UTRN: variants seen among roughly 807,000 people sequenced by gnomAD.
UTRN encodes the protein dystrophin-related protein 1.
UTRN carries 283 observed loss-of-function variants against 463.9 expected under a neutral mutation model. That is an observed-to-expected ratio of 0.61 (90% CI 0.55 to 0.67). The LOEUF (loss-of-function observed/expected upper bound fraction) is 0.67, where lower values mean the gene tolerates loss of function less well. UTRN is among the 30% of genes least tolerant of loss of function. The pLI is 0.00. For synonymous variants in UTRN, 1,442 were observed against 1,431.5 expected, an observed-to-expected ratio of 1.01 and a Z score of -0.17; for missense variants, 3,922 against 4,084.3, an observed-to-expected ratio of 0.96 and a Z score of 1.08.
At chr6:144,709,623 A>G (rs1785461735) in intron 53 of UTRN, among the ~76,000 whole-genome samples, 1 of 152,194 alleles carries the variant, frequency 6.6e-6, no homozygotes, top group Admixed American at 6.5e-5. Context: ...GAATTACTTT[A>G]TTTCAAGCAA....
chr6:144,372,446 A>G (rs79557428), intron 2 of UTRN, among the ~76,000 whole-genome samples: 9,813 of 152,258 alleles, frequency 0.064, 1,055 homozygotes, highest in African/African-American at 0.22. Context: ...CAAATTAGGT[A>G]TCTGCTAAAG....
At chr6:144,545,556 A>G (rs1798324942) in intron 46 of UTRN, among the ~76,000 whole-genome samples, 1 of 152,012 alleles carries the variant, frequency 6.6e-6, no homozygotes, top group South Asian at 2.1e-4. Flanking sequence ...GTCTTCCCCA[A>G]ATGTTCTTCT....
intron 2 of UTRN, among the ~76,000 whole-genome samples, chr6:144,300,057 A>C (rs114462526): frequency 0.012 from 1,832 of 151,436 alleles, 37 homozygotes; most frequent in African/African-American, 0.041. Context: ...TTCCCTATGG[A>C]TCTGTAAAAA....
At chr6:144,576,972 A>T in intron 50 of UTRN, 127 bp from the exon 51 acceptor site, 1 of 753,792 alleles carries the variant, frequency 1.3e-6, no homozygotes, top group Non-Finnish European at 2.1e-6. Flanking sequence ...TCTCCCAGTT[A>T]CCTATGGTGA....
At position 144,318,138 on chromosome 6, in the gene UTRN, C is replaced by T. The variant is rs377303075; in HGVS notation, c.79+26231C>T. Among the ~76,000 whole-genome samples, 50 of 152,088 alleles carry T rather than the reference C, an allele frequency of 3.3e-4. No homozygotes were observed. In the East Asian group the frequency reaches 4.4e-3, roughly 14 times the overall value. ...AGAGCCTGTACAATAATACTGTTAA[C>T]GATGAAGTGCTGTGGACTTCTCTGT... On this transcript the variant is annotated intron_variant, in intron 2 of 74. Transcript: ENST00000367545.
intron 1 of UTRN, among the ~76,000 whole-genome samples, chr6:144,289,734 C>T (rs994423661): frequency 2.0e-5 from 3 of 152,068 alleles, no homozygotes; most frequent in Admixed American, 6.6e-5. Context: ...CTGTAACCAC[C>T]GCCTCCTGGA....
In UTRN at chr6:144,337,158, CACACAG is replaced by C. The variant is rs796561524; in HGVS notation, c.79+45257_79+45262del. Among the ~76,000 whole-genome samples, 1,074 of 149,654 alleles carry C rather than the reference CACACAG, an allele frequency of 7.2e-3. 10 individuals are homozygous for C. The highest frequency in any genetic ancestry group is 0.024 in the African/African-American group (987 of 40,574). The stretch of plus-strand genomic sequence containing the variant: ...ACAGACTCACACACAGAGACACACA[CACACAG>C]ACACACACACACAGACACACACACA... On this transcript the variant is annotated intron_variant, in intron 2 of 74. Transcript: ENST00000367545.
intron 57 of UTRN, among the ~76,000 whole-genome samples, chr6:144,755,177 T>G (rs1174724137): frequency 2.6e-5 from 4 of 152,190 alleles, no homozygotes; most frequent in African/African-American, 4.8e-5. Context: ...TGTGCTTATT[T>G]AAAACACACC....
chr6:144,626,225 G>A (rs1474464854), intron 51 of UTRN, among the ~76,000 whole-genome samples: 1 of 152,136 alleles, frequency 6.6e-6, no homozygotes, highest in Non-Finnish European at 1.5e-5. Context: ...TGTTTACCAT[G>A]GTACTGCAAA....
At chr6:144,608,668 G>A (rs527465389) in intron 51 of UTRN, among the ~76,000 whole-genome samples, 21 of 152,068 alleles carry the variant, frequency 1.4e-4, no homozygotes, top group Non-Finnish European at 7.4e-5. Flanking sequence ...CCATTTCCTC[G>A]CCATTTTGGG....
chr6:144,619,940 C>G (rs1161473066), intron 51 of UTRN, among the ~76,000 whole-genome samples: 1 of 152,192 alleles, frequency 6.6e-6, no homozygotes, highest in Non-Finnish European at 1.5e-5. Flanking sequence ...TAGGAAAGGT[C>G]TTTAAACCTG....
intron 51 of UTRN, among the ~76,000 whole-genome samples, chr6:144,649,385 A>C (rs568632405): frequency 1.3e-5 from 2 of 152,338 alleles, no homozygotes; most frequent in South Asian, 4.1e-4. Flanking sequence ...CGCTGGTTGT[A>C]TGTGACTATT....
At chr6:144,827,454 A>G in intron 67 of UTRN, 68 bp downstream of exon 67, 3 of 1,607,908 alleles carry the variant, frequency 1.9e-6, no homozygotes, top group Non-Finnish European at 2.6e-6. Flanking sequence ...GGGTCTTACT[A>G]AACTCTTGGT....
At chr6:144,690,072 C>CTTTTTTTTTTTTTTTTT (rs1428641511) in intron 52 of UTRN, among the ~76,000 whole-genome samples, 1 of 35,660 alleles carries the variant, frequency 2.8e-5, no homozygotes, top group Non-Finnish European at 4.9e-5. Context: ...CCAAAAGTTT[C>CTTTTTTTTTTTTTTTTT]TGTTTTTTTT....
At chr6:144,493,888 AGCTACCTGGGAG>A (rs1377232474) in intron 33 of UTRN, among the ~76,000 whole-genome samples, 1 of 152,202 alleles carries the variant, frequency 6.6e-6, no homozygotes, top group Non-Finnish European at 1.5e-5. Context: ...CTGTAGTCCT[AGCTACCTGGGAG>A]GCTGAGGTGG....
intron 51 of UTRN, among the ~76,000 whole-genome samples, chr6:144,652,658 T>G (rs377449271): frequency 3.3e-5 from 5 of 152,364 alleles, no homozygotes; most frequent in African/African-American, 1.2e-4. Flanking sequence ...GATACTCGTT[T>G]CCTTGGGAAG....
intron 13 of UTRN, among the ~76,000 whole-genome samples, chr6:144,441,809 G>C (rs1787193250): frequency 6.6e-6 from 1 of 152,178 alleles, no homozygotes; most frequent in South Asian, 2.1e-4. Flanking sequence ...AATCTAGGTG[G>C]ATGTTCCCAA....
Position 144,294,440 on chromosome 6 carries a change from A to C in UTRN, c.79+2533A>C, listed in dbSNP as rs558071861. On this transcript the variant is annotated intron_variant, in intron 2 of 74. Coordinates refer to ENST00000367545, the MANE Select transcript of UTRN (RefSeq NM_007124.3). ...ATATTTTAAGAGATTTTTAGTTTAG[A>C]TTAAGTCATAGGAATTGTCTACATA... Among the ~76,000 whole-genome samples the C allele has an allele frequency of 7.9e-5, 12 of 152,286 alleles. No homozygotes were observed. In the East Asian group the frequency reaches 2.3e-3, roughly 29 times the overall value.
At chr6:144,538,410 C>G (rs1797717485) in intron 44 of UTRN, among the ~76,000 whole-genome samples, 1 of 151,918 alleles carries the variant, frequency 6.6e-6, no homozygotes, top group South Asian at 2.1e-4. Flanking sequence ...TGGCTCACGC[C>G]TGTAATCCCA....
Sources: allele counts gnomAD v4.1 joint callset (sites outside exome capture counted in the v4.1 genomes callset), GRCh38; gene constraint gnomAD v4.1.1; transcripts MANE v1.5; gene names NCBI Gene and HGNC (gene_info 2026-07-23, HGNC 2026-07-21).